The following COL6A6 variants were observed in gnomAD, a reference collection of about 807,000 sequenced individuals.
The protein encoded by COL6A6 is collagen type VI alpha 6 chain.
In COL6A6, 183 loss-of-function variants were observed where a neutral mutation model predicts 208.6. The ratio of observed to expected loss-of-function variants is 0.88; its 90% CI spans 0.78 to 0.99. COL6A6 has a LOEUF of 0.99. Among genes scored for constraint, COL6A6 ranks in the 50% least tolerant of loss-of-function variants. The pLI, the probability that COL6A6 is intolerant of heterozygous loss-of-function variation, is 0.00. For synonymous variants in COL6A6, 973 were observed against 1,011.8 expected (o/e 0.96, Z 0.73); for missense variants, 2,816 against 2,815.2 (o/e 1.00, Z -0.01).
At chr3:130,546,594 C>A (rs1341802520) in intron 1 of COL6A6, among the ~76,000 whole-genome samples, 2 of 152,210 alleles carry the variant, frequency 1.3e-5, no homozygotes, top group Non-Finnish European at 2.9e-5. Flanking sequence ...TTACAGAGAG[C>A]TGATTGGTCC....
At chr3:130,531,100 A>G (rs1008166387) in intron 1 of COL6A6, among the ~76,000 whole-genome samples, 1 of 146,962 alleles carries the variant, frequency 6.8e-6, no homozygotes, top group African/African-American at 2.7e-5. Context: ...TGCCACTCAC[A>G]CATTGCCTTT....
At chr3:130,594,197 C>T (rs552211976) in intron 17 of COL6A6, 84 bp from the exon 18 acceptor site, 90 of 1,056,334 alleles carry the variant, frequency 8.5e-5, no homozygotes, top group Non-Finnish European at 1.2e-4. Context: ...TAATTATTCA[C>T]ACCAGGGAGA....
chr3:130,650,924 T>G (rs898657389), intron 33 of COL6A6, among the ~76,000 whole-genome samples: 2 of 152,224 alleles, frequency 1.3e-5, no homozygotes, highest in African/African-American at 4.8e-5. Context: ...GACTTCTATT[T>G]TTCCTAGATT....
chr3:130,568,597 C>T lies in COL6A6; in HGVS notation c.2394C>T (p.Pro798=), dbSNP rs763866351. ...EDDLVFGICS[P]REECKRIEVL... ...ATCTTGTTTTTGGAATATGCAGCCCCCGTGAAGGTAGGCATGGGCATACTC... is the reference window on the plus strand; with the variant it reads ...ATCTTGTTTTTGGAATATGCAGCCCTCGTGAAGGTAGGCATGGGCATACTC... The change falls in exon 6 of 37, where the codon CCC becomes CCT. Residue 798 remains proline, a synonymous_variant. Transcript: ENST00000358511. 2 of 1,596,414 alleles carry T rather than the reference C, an allele frequency of 1.3e-6. No homozygotes were observed. The highest frequency in any genetic ancestry group is 1.3e-5 in the African/African-American group (1 of 74,964).
At chr3:130,573,900 G>A (rs999065847) in intron 7 of COL6A6, 56 bp from the exon 8 acceptor site, 241 of 1,269,954 alleles carry the variant, frequency 1.9e-4, no homozygotes, top group Non-Finnish European at 2.6e-4. Context: ...TACTCTTGGT[G>A]GATTAAGGAA....
intron 24 of COL6A6, among the ~76,000 whole-genome samples, chr3:130,625,830 GTGTAA>G (rs1478422686): frequency 2.6e-5 from 4 of 152,212 alleles, no homozygotes; most frequent in Non-Finnish European, 5.9e-5. Flanking sequence ...AATGCAACTA[GTGTAA>G]TGTAATGTTA....
At chr3:130,598,969 T>C (rs1264164937) in intron 19 of COL6A6, among the ~76,000 whole-genome samples, 1 of 152,184 alleles carries the variant, frequency 6.6e-6, no homozygotes, top group Non-Finnish European at 1.5e-5. Flanking sequence ...TCTTGGATAA[T>C]GTTCCCTTGA....
Position 130,581,739 on chromosome 3 carries a change from A to G in COL6A6, c.3726A>G (p.Gln1242=), listed in dbSNP as rs939306217. ...GTETQVSVAF[Q]VTNAMEKYSP... is the part of the protein sequence containing the mutation. ...AGACTCAGGTCAGTGTGGCTTTTCA[A>G]GTGACCAATGCCATGGAAAAATATT... Residue 1242 remains glutamine (Q), a synonymous_variant, in exon 9 of 37, where the codon CAA becomes CAG. Transcript: ENST00000358511. 2 of 1,613,876 alleles carry G rather than the reference A, an allele frequency of 1.2e-6. No homozygotes were observed. The highest frequency in any genetic ancestry group is 2.7e-5 in the African/African-American group (2 of 74,934).
At chr3:130,650,492 G>T (rs576555675) in intron 33 of COL6A6, among the ~76,000 whole-genome samples, 3 of 152,006 alleles carry the variant, frequency 2.0e-5, no homozygotes, top group East Asian at 3.9e-4. Context: ...GCGATGGCAG[G>T]CACCTGTAAT....
chr3:130,646,968 G>C (rs765030289), intron 32 of COL6A6, among the ~76,000 whole-genome samples: 3 of 152,178 alleles, frequency 2.0e-5, no homozygotes, highest in Non-Finnish European at 4.4e-5. Flanking sequence ...TAGTATTCAG[G>C]CAAATATGGT....
chr3:130,644,898 A>C, intron 31 of COL6A6, 93 bp from the exon 32 acceptor site: 1 of 1,174,346 alleles, frequency 8.5e-7, no homozygotes, highest in Non-Finnish European at 1.3e-6. Flanking sequence ...ATCTACAAAA[A>C]GCAGACAGGA....
chr3:130,573,255 A>G (rs570198864), intron 7 of COL6A6, among the ~76,000 whole-genome samples: 3 of 152,248 alleles, frequency 2.0e-5, no homozygotes, highest in East Asian at 1.9e-4. Context: ...CCCTAAATGT[A>G]TGTGTGTTTT....
chr3:130,519,933 C>T (rs886281911), intron 1 of COL6A6, among the ~76,000 whole-genome samples: 27 of 152,170 alleles, frequency 1.8e-4, no homozygotes, highest in Admixed American at 1.8e-3. Context: ...ACATGATTAA[C>T]AGGAACGAAT....
At chr3:130,647,843 G>A (rs2065506930) in intron 32 of COL6A6, among the ~76,000 whole-genome samples, 1 of 152,168 alleles carries the variant, frequency 6.6e-6, no homozygotes, top group African/African-American at 2.4e-5. Context: ...ACATCACTGG[G>A]GTGTCCTTTT....
intron 7 of COL6A6, 135 bp from the exon 8 acceptor site, chr3:130,573,821 G>C (rs147378925): frequency 3.3e-6 from 2 of 613,938 alleles, no homozygotes; most frequent in Non-Finnish European, 5.7e-6. Context: ...TGCCCGCCTC[G>C]GCCTCCCAAA....
At chr3:130,587,294 T>C (rs1346926390) in intron 11 of COL6A6, among the ~76,000 whole-genome samples, 1 of 152,234 alleles carries the variant, frequency 6.6e-6, no homozygotes, top group Non-Finnish European at 1.5e-5. Context: ...ACAGTCTTGC[T>C]CTATCGCCCA....
At chr3:130,532,468 CG>C (rs1170034588) in intron 1 of COL6A6, among the ~76,000 whole-genome samples, 1 of 152,150 alleles carries the variant, frequency 6.6e-6, no homozygotes, top group Non-Finnish European at 1.5e-5. Context: ...TCATGATGTC[CG>C]GGGCTGTCTT....
Position 130,565,036 on chromosome 3 carries a change from A to G in COL6A6, c.704A>G (p.Asp235Gly). 1.2e-6 allele frequency: 2 copies of G among 1,614,014 alleles called. No individual in the cohort carries two copies. Among genetic ancestry groups the G allele is most frequent in the Non-Finnish European group, 1.7e-6 (2 of 1,179,880 alleles). The change falls in exon 4 of 37, where the codon GAT becomes GGT. Residue 235 changes from aspartate to glycine, a missense_variant. Physicochemically the swap from Asp to Gly is moderately conservative, Grantham distance 94 (BLOSUM62 -1). Coordinates refer to ENST00000358511, the MANE Select transcript of COL6A6 (RefSeq NM_001102608.3). ...PSMADVVFLL[D>G]MSINGSEENF... ...ATGGCCGATGTTGTGTTCCTATTGG[A>G]TATGTCAATCAATGGAAGTGAGGAG...
intron 1 of COL6A6, among the ~76,000 whole-genome samples, chr3:130,544,712 C>A (rs1172668370): frequency 6.6e-6 from 1 of 152,160 alleles, no homozygotes; most frequent in Admixed American, 6.5e-5. Flanking sequence ...TCTCATCTTT[C>A]TTATAATAGC....
Sources: allele counts gnomAD v4.1 joint callset (sites outside exome capture counted in the v4.1 genomes callset), GRCh38; gene constraint gnomAD v4.1.1; transcripts MANE v1.5; gene names NCBI Gene and HGNC (gene_info 2026-07-23, HGNC 2026-07-21).